The following KDM7A variants were observed in gnomAD, a reference collection of about 807,000 sequenced individuals.
KDM7A encodes the protein lysine-specific demethylase 7A.
Under a neutral mutation model 114.8 loss-of-function variants are expected in KDM7A, and 28 were observed. The observed-to-expected ratio is 0.24, with a 90% CI of 0.18 to 0.33. The LOEUF is 0.33. KDM7A is among the 10% of genes least tolerant of loss of function. The probability of loss-of-function intolerance (pLI) is 1.00; values close to 1 mark genes in which losing one functional copy is unlikely to be tolerated. For missense variants in KDM7A, 942 were observed against 1,142.5 expected (o/e 0.82, Z 2.53); for synonymous variants, 423 against 397.8 (o/e 1.06, Z -0.75).
rs899037430 is a variant in KDM7A, at chr7:140,129,602, A to G, written c.450T>C (p.Tyr150=). The part of the protein sequence containing the change: ...KMHGSQLTQR[Y]LEKHGFDVPI... ...GGACATCAAATCCATGTTTCTCCAG[A>G]TATCTTTGTGTCAGCTGGCTGCCAT... Residue 150 remains tyrosine, a synonymous_variant, in exon 4 of 20, where the codon TAT becomes TAC. Coordinates refer to ENST00000397560, the MANE Select transcript of KDM7A (RefSeq NM_030647.2). The G allele has an allele frequency of 5.6e-6, 9 of 1,610,892 alleles. No individual in the cohort carries two copies. Among genetic ancestry groups the G allele is most frequent in the Middle Eastern group, 1.6e-4 (1 of 6,080 alleles).
rs141838848 is a variant in KDM7A at position 140,088,919 on chromosome 7, A to G, written c.*2175T>C. 663 of 156,126 alleles carry G rather than the reference A, an allele frequency of 4.2e-3. 7 individuals are homozygous for G. The highest frequency in any genetic ancestry group is 0.015 in the African/African-American group (613 of 41,762). The allele number at this position is 156,126 out of a possible 1,614,324, so 9.7% of individuals were successfully genotyped here. Reference sequence around the variant, plus strand: ...TTTTAATTTTTGTGACTAAAGAAAAAAATAGAAAATACTCAAGAGCTGTGA... The same window carrying G: ...TTTTAATTTTTGTGACTAAAGAAAAGAATAGAAAATACTCAAGAGCTGTGA... On this transcript the variant is annotated 3_prime_UTR_variant, in exon 20 of 20. Transcript: ENST00000397560.
chr7:140,090,889 T>C lies in KDM7A; in HGVS notation c.*205A>G, dbSNP rs61477302. On this transcript the variant is annotated 3_prime_UTR_variant, in exon 20 of 20. Coordinates refer to ENST00000397560, the MANE Select transcript of KDM7A (RefSeq NM_030647.2). ...TCTCTTTTTAAGGTTCTACCCTCCT[T>C]CTTCCTCTCCCCCACCAGGTCCAAA... 1,323 of 543,434 alleles carry C rather than the reference T, an allele frequency of 2.4e-3. 13 individuals are homozygous for C. Among genetic ancestry groups the C allele is most frequent in the African/African-American group, 0.017 (932 of 53,462 alleles). 33.7% of individuals were successfully genotyped at this position (543,434 alleles called of 1,614,324 possible). A position where few individuals can be genotyped will look rare whatever the true frequency, so the allele number is the denominator to read the frequency against.
intron 18 of KDM7A, 61 bp downstream of exon 18, chr7:140,093,995 G>T: frequency 2.9e-6 from 3 of 1,052,394 alleles, no homozygotes; most frequent in Non-Finnish European, 3.0e-6. Flanking sequence ...AAAAAAGAAA[G>T]CAAAAACAAC....
At chr7:140,152,108 C>T (rs377658476) in intron 1 of KDM7A, among the ~76,000 whole-genome samples, 86 of 152,308 alleles carry the variant, frequency 5.6e-4, no homozygotes, top group African/African-American at 1.9e-3. Flanking sequence ...GGAATAAACA[C>T]ATTCCAAACC....
chr7:140,126,608 T>C, intron 6 of KDM7A, 29 bp downstream of exon 6: 1 of 1,474,840 alleles, frequency 6.8e-7, no homozygotes, highest in Non-Finnish European at 9.2e-7. Flanking sequence ...TTTTTGTCAG[T>C]GAGAGAACAA....
At chr7:140,117,878 CCTT>C (rs2116786005) in intron 9 of KDM7A, among the ~76,000 whole-genome samples, 1 of 152,292 alleles carries the variant, frequency 6.6e-6, no homozygotes, top group East Asian at 1.9e-4. Flanking sequence ...GGACCTGTCT[CCTT>C]CTCATGCATG....
chr7:140,092,178 T>C, intron 18 of KDM7A, 101 bp from the exon 19 acceptor site: 1 of 1,083,344 alleles, frequency 9.2e-7, no homozygotes, highest in Non-Finnish European at 1.3e-6. Context: ...AGAAACAAAC[T>C]ACTGAATTCT....
At chr7:140,124,581 TATCA>T (rs768021116) in intron 7 of KDM7A, 36 bp downstream of exon 7, 1 of 1,512,080 alleles carries the variant, frequency 6.6e-7, no homozygotes, top group South Asian at 1.2e-5. Flanking sequence ...TCCATGTGAC[TATCA>T]ATCATGTTGA....
chr7:140,142,345 G>A (rs1794292894), intron 1 of KDM7A, among the ~76,000 whole-genome samples: 1 of 151,014 alleles, frequency 6.6e-6, no homozygotes, highest in Non-Finnish European at 1.5e-5. Flanking sequence ...ATAAGCCAGA[G>A]TAGCAGAAGA....
chr7:140,100,714 A>ATG lies in KDM7A; in HGVS notation c.1639-692_1639-691insCA, dbSNP rs1562946064. On this transcript the variant is annotated intron_variant, in intron 12 of 19. Transcript: ENST00000397560. ...CATATATATATATATATATACACATATATATATATATATATATATATATAT... is the reference window on the plus strand; with the variant it reads ...CATATATATATATATATATACACATATGTATATATATATATATATATATATAT... 3.7e-4 allele frequency among the ~76,000 whole-genome samples: 10 copies of ATG among 27,206 alleles called. 1 individual carries two copies. The highest frequency in any genetic ancestry group is 7.5e-4 in the African/African-American group (9 of 11,956). The allele number at this position is 27,206 out of a possible 152,430, so 17.8% of individuals were successfully genotyped here. A position where few individuals can be genotyped will look rare whatever the true frequency, so the allele number is the denominator to read the frequency against.
intron 2 of KDM7A, among the ~76,000 whole-genome samples, chr7:140,135,401 CCA>C (rs2116815251): frequency 6.6e-6 from 1 of 152,162 alleles, no homozygotes; most frequent in East Asian, 1.9e-4. Flanking sequence ...TGGGGTTTCA[CCA>C]TGTTGGCCAG....
intron 1 of KDM7A, among the ~76,000 whole-genome samples, chr7:140,170,696 C>T (rs1373087836): frequency 1.3e-5 from 2 of 152,230 alleles, no homozygotes; most frequent in South Asian, 2.1e-4. Context: ...CTTTGTAAAA[C>T]ATTCGATAAG....
chr7:140,141,176 C>T (rs910940779), intron 1 of KDM7A, among the ~76,000 whole-genome samples: 1 of 152,046 alleles, frequency 6.6e-6, no homozygotes, highest in Non-Finnish European at 1.5e-5. Flanking sequence ...TACACCACGA[C>T]CATGGGTTTG....
intron 9 of KDM7A, among the ~76,000 whole-genome samples, chr7:140,116,377 T>C (rs1051711984): frequency 2.6e-5 from 4 of 151,990 alleles, no homozygotes; most frequent in Admixed American, 6.6e-5. Context: ...GAGTAAAAGG[T>C]TACAAGAGAA....
At chr7:140,171,027 T>C (rs1794632347) in intron 1 of KDM7A, among the ~76,000 whole-genome samples, 1 of 151,432 alleles carries the variant, frequency 6.6e-6, no homozygotes, top group Non-Finnish European at 1.5e-5. Flanking sequence ...GAGTTCAAGA[T>C]CAGCCTGGGT....
chr7:140,120,572 G>A (rs372293913), intron 7 of KDM7A, 43 bp from the exon 8 acceptor site: 1 of 1,165,600 alleles, frequency 8.6e-7, no homozygotes, highest in Non-Finnish European at 1.3e-6. Flanking sequence ...TTTTCAATAT[G>A]TAAACTAAAC....
chr7:140,108,612 G>A (rs1438571268), intron 11 of KDM7A, among the ~76,000 whole-genome samples: 1 of 152,202 alleles, frequency 6.6e-6, no homozygotes, highest in African/African-American at 2.4e-5. Flanking sequence ...AAAGGTTGCT[G>A]CCTGATCCTT....
intron 17 of KDM7A, among the ~76,000 whole-genome samples, chr7:140,096,135 T>A (rs1366528568): frequency 6.6e-6 from 1 of 152,168 alleles, no homozygotes; most frequent in Non-Finnish European, 1.5e-5. Flanking sequence ...TAATACTTTC[T>A]TTTCAAGTAG....
chr7:140,139,223 GT>G, intron 1 of KDM7A, 33 bp from the exon 2 acceptor site: 5 of 1,486,638 alleles, frequency 3.4e-6, no homozygotes, highest in Non-Finnish European at 4.7e-6. Flanking sequence ...CAGTATGTAA[GT>G]AAGTTGAAAA....
Sources: allele counts gnomAD v4.1 joint callset (sites outside exome capture counted in the v4.1 genomes callset), GRCh38; gene constraint gnomAD v4.1.1; transcripts MANE v1.5; gene names NCBI Gene and HGNC (gene_info 2026-07-23, HGNC 2026-07-21).